CELF2: variants seen among roughly 807,000 people sequenced by gnomAD.
CELF2 encodes the protein CUGBP Elav-like family member 2.
Under a neutral mutation model 62.6 loss-of-function variants are expected in CELF2, and 8 were observed. That is an observed-to-expected ratio of 0.13 (90% confidence interval 0.07 to 0.23). The LOEUF (loss-of-function observed/expected upper bound fraction) is 0.23. Ranked by LOEUF, CELF2 falls within the 10% of genes least tolerant of loss-of-function variation. The pLI, the probability that CELF2 is intolerant of heterozygous loss-of-function variation, is 1.00. For synonymous variants in CELF2, 258 were observed against 250.0 expected, an observed-to-expected ratio of 1.03 and a Z score of -0.30; for missense variants, 333 against 671.0, an observed-to-expected ratio of 0.50 and a Z score of 5.56.
chr10:10,755,458 G>C, the CELF2 span, among the ~76,000 whole-genome samples: 1 of 152,144 alleles, frequency 6.6e-6, no homozygotes, highest in Non-Finnish European at 1.5e-5. Context: ...CTTCAGTGTT[G>C]CCTTCATCTA....
At chr10:10,492,109 A>G in the CELF2 span, among the ~76,000 whole-genome samples, 1 of 152,158 alleles carries the variant, frequency 6.6e-6, no homozygotes, top group African/African-American at 2.4e-5. Flanking sequence ...GAGACTAGTT[A>G]TTGGTGATGC....
chr10:11,310,363 T>A (rs1198909312), intron 9 of CELF2, among the ~76,000 whole-genome samples: 1 of 152,126 alleles, frequency 6.6e-6, no homozygotes, highest in African/African-American at 2.4e-5. Flanking sequence ...AGGAGGGGAT[T>A]TGTACCAGGG....
chr10:11,164,639 T>A (rs953562133), intron 1 of CELF2, among the ~76,000 whole-genome samples: 5 of 150,952 alleles, frequency 3.3e-5, no homozygotes, highest in African/African-American at 1.2e-4. Flanking sequence ...TGTCTTTTAG[T>A]GGGAACTCAA....
chr10:11,326,964 C>A (rs1170752087), intron 12 of CELF2, among the ~76,000 whole-genome samples: 1 of 152,080 alleles, frequency 6.6e-6, no homozygotes, highest in Admixed American at 6.5e-5. Context: ...AGTAATCAGG[C>A]CAAAGAGAAT....
chr10:10,575,548 C>T, the CELF2 span, among the ~76,000 whole-genome samples: 3 of 152,228 alleles, frequency 2.0e-5, no homozygotes, highest in East Asian at 3.9e-4. Flanking sequence ...AATTCATAAC[C>T]TTTTCCACCA....
the CELF2 span, among the ~76,000 whole-genome samples, chr10:10,686,178 T>C: frequency 6.6e-6 from 1 of 151,946 alleles, no homozygotes; most frequent in African/African-American, 2.4e-5. Flanking sequence ...TGGGAGAGTG[T>C]TGATAGGATT....
intron 1 of CELF2, chr10:11,105,525 A>G (rs1263749269): frequency 6.6e-6 from 1 of 152,206 alleles, no homozygotes; most frequent in Non-Finnish European, 1.5e-5. Flanking sequence ...TGACTCCTAG[A>G]TGTGTCTTCA....
intron 1 of CELF2, among the ~76,000 whole-genome samples, chr10:10,825,378 T>G (rs146100535): frequency 4.0e-5 from 6 of 150,438 alleles, no homozygotes; most frequent in African/African-American, 1.5e-4. Flanking sequence ...CCCAGCTAAT[T>G]TTTTGTATTT....
At chr10:10,575,815 T>C in the CELF2 span, among the ~76,000 whole-genome samples, 2 of 152,276 alleles carry the variant, frequency 1.3e-5, no homozygotes, top group East Asian at 3.9e-4. Context: ...TTACTATTGG[T>C]TCATGTTCAG....
rs748063949 is a variant in CELF2 at position 10,957,222 on chromosome 10, A to G, written c.89+37223A>G. On this transcript the variant is annotated intron_variant, in intron 2 of 13. Transcript: ENST00000636488. This position sits in a 1 kb window ranked among gnomAD's most constrained non-coding sequence, Gnocchi z 4.1. ...TTTACCATTTAACCAGTTTCCCACTAATTCACTCAAACCGATTTATGTATT... is the reference window on the plus strand; with the variant it reads ...TTTACCATTTAACCAGTTTCCCACTGATTCACTCAAACCGATTTATGTATT... Among the ~76,000 whole-genome samples the G allele has an allele frequency of 6.6e-5, 10 of 152,228 alleles. No individual in the cohort carries two copies. Among genetic ancestry groups the G allele is most frequent in the Admixed American group, 3.3e-4 (5 of 15,288 alleles).
chr10:10,891,309 T>C (rs577397275), intron 1 of CELF2, among the ~76,000 whole-genome samples: 9 of 152,218 alleles, frequency 5.9e-5, no homozygotes, highest in African/African-American at 1.9e-4. Flanking sequence ...CTTAGCCTGA[T>C]AGGCAAACTC....
chr10:10,559,825 T>G, the CELF2 span, among the ~76,000 whole-genome samples: 1 of 152,200 alleles, frequency 6.6e-6, no homozygotes, highest in African/African-American at 2.4e-5. Flanking sequence ...ATTCTCCCCA[T>G]GTGACTATGG....
intron 2 of CELF2, among the ~76,000 whole-genome samples, chr10:11,206,585 C>G (rs1177823799): frequency 6.6e-6 from 1 of 152,188 alleles, no homozygotes; most frequent in Non-Finnish European, 1.5e-5. Context: ...CCACTGGTCT[C>G]CACCTCACCA....
intron 2 of CELF2, among the ~76,000 whole-genome samples, chr10:11,168,324 A>G (rs2067832053): frequency 6.6e-6 from 1 of 152,226 alleles, no homozygotes; most frequent in Non-Finnish European, 1.5e-5. Flanking sequence ...AAAGCTTGAA[A>G]GAGCTTTTGT....
rs752242285 is a variant in CELF2, at chr10:11,309,671, C to T, written c.977-4468C>T. ...GGGCCCTTTCGTAGGGGTGCTCTTTCGGCCAGTCCTTGAGGCCTGCTCTGA... is the reference window on the plus strand; with the variant it reads ...GGGCCCTTTCGTAGGGGTGCTCTTTTGGCCAGTCCTTGAGGCCTGCTCTGA... On this transcript the variant is annotated intron_variant, in intron 9 of 12. Coordinates refer to ENST00000633077, the MANE Select transcript of CELF2 (RefSeq NM_001326342.2). The surrounding 1 kb of genome is among the most constrained non-coding windows in gnomAD (Gnocchi z 5.6). Among the ~76,000 whole-genome samples, 26 of 152,156 alleles carry T rather than the reference C, an allele frequency of 1.7e-4. No individual in the cohort carries two copies. Among genetic ancestry groups the T allele is most frequent in the East Asian group, 9.6e-4 (5 of 5,188 alleles).
chr10:11,146,724 C>CT, intron 1 of CELF2, among the ~76,000 whole-genome samples: 1 of 152,284 alleles, frequency 6.6e-6, no homozygotes, highest in East Asian at 1.9e-4. Context: ...TTTCAGGATT[C>CT]TTTCCATGTG....
chr10:10,729,606 C>T, the CELF2 span, among the ~76,000 whole-genome samples: 45 of 151,594 alleles, frequency 3.0e-4, no homozygotes, highest in Non-Finnish European at 5.0e-4. Flanking sequence ...GACTCCGTTT[C>T]CAAAACAAAC....
intron 11 of CELF2, among the ~76,000 whole-genome samples, chr10:11,322,650 T>A (rs889650415): frequency 4.6e-5 from 7 of 152,184 alleles, no homozygotes; most frequent in Non-Finnish European, 8.8e-5. Flanking sequence ...TTTTTTTTTT[T>A]TTTTAAAGGA....
the CELF2 span, among the ~76,000 whole-genome samples, chr10:10,763,277 T>C: frequency 1.3e-5 from 2 of 152,346 alleles, no homozygotes; most frequent in South Asian, 2.1e-4. Context: ...TTCCAACATT[T>C]GGCGGAAGCT....
Sources: gnomAD v4.1 joint callset for allele counts (sites outside exome capture counted in the v4.1 genomes callset) on GRCh38, gnomAD v4.1.1 for gene constraint, Gnocchi (gnomAD v3.1) non-coding constraint, MANE v1.5 for transcripts, NCBI Gene and HGNC (gene_info 2026-07-23, HGNC 2026-07-21) for gene names.